The following MCPH1 variants were observed in gnomAD, a reference collection of about 807,000 sequenced individuals.
MCPH1 encodes microcephalin 1.
MCPH1 carries 104 observed loss-of-function variants against 84.5 expected under a neutral mutation model. That is an observed-to-expected ratio of 1.23 (90% CI 1.05 to 1.45). The LOEUF is 1.45. Among genes scored for constraint, MCPH1 ranks in the 40% most tolerant of loss-of-function variants. The probability of loss-of-function intolerance (pLI) is 0.00; values close to 1 mark genes in which losing one functional copy is unlikely to be tolerated. For missense variants in MCPH1, 1,498 were observed against 1,005.7 expected (o/e 1.49, Z -6.62); for synonymous variants, 514 against 366.8 (o/e 1.40, Z -4.58).
rs112515189 is a variant in MCPH1, at chr8:6,566,898, A to G, written c.2215-54556A>G. On this transcript the variant is annotated intron_variant, in intron 12 of 13. Coordinates refer to ENST00000344683, the MANE Select transcript of MCPH1 (RefSeq NM_024596.5). The stretch of plus-strand genomic sequence containing the variant: ...GGATAGTACACGCGGTGCGGTGACC[A>G]TGTGTGATCGGCAAGGCCATGGATA... Among the ~76,000 whole-genome samples the G allele has an allele frequency of 4.2e-3, 504 of 118,606 alleles. 2 individuals are homozygous for G. Among genetic ancestry groups the G allele is most frequent in the Middle Eastern group, 0.014 (2 of 144 alleles). 77.8% of individuals were successfully genotyped at this position (118,606 alleles called of 152,430 possible). A position where few individuals can be genotyped will look rare whatever the true frequency, so the allele number is the denominator to read the frequency against.
intron 12 of MCPH1, among the ~76,000 whole-genome samples, chr8:6,581,340 G>A (rs1638380702): frequency 6.6e-6 from 1 of 152,110 alleles, no homozygotes; most frequent in South Asian, 2.1e-4. Context: ...AGCATAAATG[G>A]GGATGAATTT....
intron 9 of MCPH1, among the ~76,000 whole-genome samples, chr8:6,455,792 C>T (rs1340346893): frequency 1.3e-5 from 2 of 152,176 alleles, no homozygotes; most frequent in Non-Finnish European, 2.9e-5. Context: ...CATTCAATAT[C>T]TACTTGCATT....
chr8:6,641,831 GTTATAA>G (rs1240861174), intron 13 of MCPH1, among the ~76,000 whole-genome samples: 2 of 152,132 alleles, frequency 1.3e-5, no homozygotes, highest in African/African-American at 4.8e-5. Flanking sequence ...TAATAATATT[GTTATAA>G]TTATATACAA....
At chr8:6,625,023 C>T (rs942503136) in intron 13 of MCPH1, 39 of 478,930 alleles carry the variant, frequency 8.1e-5, no homozygotes, top group Non-Finnish European at 1.0e-4. Context: ...TTACAGGCCC[C>T]GCCACCATGC....
At chr8:6,582,391 A>C (rs1827628377) in intron 12 of MCPH1, among the ~76,000 whole-genome samples, 1 of 152,208 alleles carries the variant, frequency 6.6e-6, no homozygotes, top group Admixed American at 6.5e-5. Flanking sequence ...AAGTTTAGTG[A>C]CGTTGCAGAG....
intron 2 of MCPH1, 32 bp from the exon 3 acceptor site, chr8:6,414,733 T>C (rs745639449): frequency 6.2e-7 from 1 of 1,610,764 alleles, no homozygotes; most frequent in Non-Finnish European, 8.5e-7. Flanking sequence ...TGAACAGTAA[T>C]GTACATTTTG....
At chr8:6,439,239 C>T in intron 6 of MCPH1, 143 bp downstream of exon 6, 2 of 842,202 alleles carry the variant, frequency 2.4e-6, no homozygotes, top group East Asian at 5.4e-5. Context: ...CTTTGTTTTC[C>T]AGAAAATCTT....
chr8:6,562,549 CTTCTTTT>C, intron 12 of MCPH1: 1 of 87,292 alleles, frequency 1.1e-5, no homozygotes, highest in African/African-American at 1.1e-4. Flanking sequence ...CTTCATCCTC[CTTCTTTT>C]TTTTTTTTTT....
chr8:6,522,597 A>G, intron 12 of MCPH1, among the ~76,000 whole-genome samples: 1 of 151,822 alleles, frequency 6.6e-6, no homozygotes, highest in Non-Finnish European at 1.5e-5. Flanking sequence ...AACATGGTGA[A>G]ACCCTCTCTC....
chr8:6,475,689 G>A (rs1316128196), intron 9 of MCPH1, among the ~76,000 whole-genome samples: 1 of 152,226 alleles, frequency 6.6e-6, no homozygotes, highest in Non-Finnish European at 1.5e-5. Flanking sequence ...GCAAGAGAGA[G>A]TGGGACCCAT....
rs192299317 is a variant in MCPH1, at chr8:6,472,660, G to A, written c.1936-4934G>A. Among the ~76,000 whole-genome samples, 322 of 152,114 alleles carry A rather than the reference G, an allele frequency of 2.1e-3. 2 individuals are homozygous for A. Among genetic ancestry groups the A allele is most frequent in the African/African-American group, 7.5e-3 (313 of 41,492 alleles). ...TTTTGTATTTTTTAGTAGAGATGGG[G>A]TTTCGCCATGGTGTCCAGGCTGGTC... On this transcript the variant is annotated intron_variant, in intron 9 of 13. Transcript: ENST00000344683.
chr8:6,579,959 G>A (rs761253571), intron 12 of MCPH1, among the ~76,000 whole-genome samples: 5 of 152,292 alleles, frequency 3.3e-5, no homozygotes, highest in Middle Eastern at 3.4e-3. Flanking sequence ...CACCAAGGCC[G>A]TGCCCCTGCC....
intron 12 of MCPH1, among the ~76,000 whole-genome samples, chr8:6,565,484 C>G (rs1826075660): frequency 6.6e-6 from 1 of 152,150 alleles, no homozygotes; most frequent in Non-Finnish European, 1.5e-5. Flanking sequence ...TGGTCTTGAA[C>G]TCCTGGCATC....
intron 8 of MCPH1, among the ~76,000 whole-genome samples, chr8:6,447,953 C>T (rs1216542018): frequency 6.6e-6 from 1 of 152,018 alleles, no homozygotes; most frequent in African/African-American, 2.4e-5. Context: ...CCCATTGTAA[C>T]AAAGATTGCT....
At chr8:6,407,917 C>T (rs906686987) in intron 1 of MCPH1, among the ~76,000 whole-genome samples, 1 of 152,156 alleles carries the variant, frequency 6.6e-6, no homozygotes, top group African/African-American at 2.4e-5. Context: ...ATATCACATT[C>T]ACATTTCCTT....
chr8:6,521,842 T>G (rs973296257), intron 12 of MCPH1, among the ~76,000 whole-genome samples: 5 of 152,208 alleles, frequency 3.3e-5, no homozygotes, highest in Non-Finnish European at 7.3e-5. Context: ...ACTATTTATA[T>G]TTTAATATTA....
chr8:6,512,270 G>A (rs1302473922), intron 12 of MCPH1, among the ~76,000 whole-genome samples: 1 of 152,162 alleles, frequency 6.6e-6, no homozygotes, highest in African/African-American at 2.4e-5. Context: ...CAGGCAACTT[G>A]ACATTTAGCC....
At chr8:6,463,110 T>C (rs1037640605) in intron 9 of MCPH1, among the ~76,000 whole-genome samples, 1 of 152,208 alleles carries the variant, frequency 6.6e-6, no homozygotes, top group Non-Finnish European at 1.5e-5. Context: ...TAGCCTTTTC[T>C]AAAAGCTCCT....
chr8:6,578,727 C>T (rs998759023), intron 12 of MCPH1, among the ~76,000 whole-genome samples: 1 of 152,194 alleles, frequency 6.6e-6, no homozygotes, highest in African/African-American at 2.4e-5. Flanking sequence ...AGGCTCATTA[C>T]AGGTCTGAGC....
Sources: gnomAD v4.1 joint callset for allele counts (sites outside exome capture counted in the v4.1 genomes callset) on GRCh38, gnomAD v4.1.1 for gene constraint, MANE v1.5 for transcripts, NCBI Gene and HGNC (gene_info 2026-07-23, HGNC 2026-07-21) for gene names.